The following OTOGL variants were observed in gnomAD, a reference collection of about 807,000 sequenced individuals.
OTOGL encodes otogelin like.
Under a neutral mutation model 318.5 loss-of-function variants are expected in OTOGL, and 285 were observed. That is an observed-to-expected ratio of 0.89 (90% CI 0.81 to 0.99). The LOEUF is 0.99. Among genes scored for constraint, OTOGL ranks in the 50% least tolerant of loss-of-function variants. The pLI is 0.00. For missense variants in OTOGL, 2,899 were observed against 2,845.6 expected, an observed-to-expected ratio of 1.02 and a Z score of -0.43; for synonymous variants, 987 against 936.5, an observed-to-expected ratio of 1.05 and a Z score of -0.99.
chr12:80,299,610 GA>G lies in OTOGL; in HGVS notation c.3063+2663del, dbSNP rs58781796. On this transcript the variant is annotated intron_variant, in intron 27 of 58. Coordinates refer to ENST00000547103, the MANE Select transcript of OTOGL (RefSeq NM_001378609.3). ...TAGATGGACCATCCATCCAGGGGAA[GA>G]AAAAAAAAAAAAACCACCTCTGTTA... Among the ~76,000 whole-genome samples, 1,185 of 126,080 alleles carry G rather than the reference GA, an allele frequency of 9.4e-3. 4 individuals carry two copies. Among genetic ancestry groups the G allele is most frequent in the Non-Finnish European group, 0.014 (813 of 57,660 alleles). 82.7% of individuals were successfully genotyped at this position (126,080 alleles called of 152,430 possible).
At chr12:80,259,033 A>G (rs576895625) in intron 18 of OTOGL, among the ~76,000 whole-genome samples, 2 of 152,070 alleles carry the variant, frequency 1.3e-5, no homozygotes, top group Non-Finnish European at 2.9e-5. Context: ...CCATTTCACA[A>G]TGTATACCTC....
chr12:80,341,760 A>G (rs1888782587), intron 43 of OTOGL, among the ~76,000 whole-genome samples, 188 bp from the exon 44 acceptor site: 1 of 152,188 alleles, frequency 6.6e-6, no homozygotes, highest in South Asian at 2.1e-4. Context: ...TTAGTTCTAC[A>G]CTATTTTATC....
chr12:80,110,084 T>C (rs1188017705), intron 1 of OTOGL, among the ~76,000 whole-genome samples: 1 of 148,278 alleles, frequency 6.7e-6, no homozygotes, highest in Non-Finnish European at 1.5e-5. Context: ...TTTTTTTTTT[T>C]TTGAGACGGA....
chr12:80,197,375 T>C (rs1876150407), intron 1 of OTOGL, among the ~76,000 whole-genome samples: 2 of 152,098 alleles, frequency 1.3e-5, no homozygotes, highest in Non-Finnish European at 2.9e-5. Context: ...TACAGGCACC[T>C]GCCACCATGC....
At position 80,378,045 on chromosome 12, in the gene OTOGL, T is replaced by C. The variant is rs1891270895; in HGVS notation, c.7059T>C (p.Asn2353=). The C allele has an allele frequency of 6.4e-7, 1 of 1,566,978 alleles. No individual in the cohort carries two copies. ...CCATAGACTGTACGTGCCAGTGGAA[T>C]TAAACCCTTGGGTTCCAAGAGCTCT... ...QEPIDCTCQW[N] is the part of the protein sequence containing the mutation. The change falls in exon 59 of 59, where the codon AAT becomes AAC. Residue 2353 remains asparagine (N), a synonymous_variant. Transcript: ENST00000547103.
rs779615866 is a variant in OTOGL, at chr12:80,265,226, C to G, written c.2224+16C>G. On this transcript the variant is annotated intron_variant, in intron 20 of 58. Coordinates refer to ENST00000547103, the MANE Select transcript of OTOGL (RefSeq NM_001378609.3). ...TCTTTCTGTGGTGAGTACAATGGCA[C>G]AGATAAAGACTATCAGATAATACCT... is the stretch of plus-strand genomic sequence containing the variant. 72 of 1,599,394 alleles carry G rather than the reference C, an allele frequency of 4.5e-5. No homozygotes were observed. In the African/African-American group the frequency reaches 9.4e-4, roughly 21 times the overall value.
chr12:80,352,915 C>A (rs1208810175), intron 45 of OTOGL, among the ~76,000 whole-genome samples: 1 of 152,124 alleles, frequency 6.6e-6, no homozygotes, highest in African/African-American at 2.4e-5. Flanking sequence ...CCTAAATATA[C>A]AACATTTTTC....
intron 35 of OTOGL, among the ~76,000 whole-genome samples, chr12:80,327,984 A>G (rs556273108): frequency 2.4e-5 from 3 of 125,172 alleles, no homozygotes; most frequent in East Asian, 2.9e-4. Flanking sequence ...AAAAAAAAAA[A>G]AGAGTGGAAA....
intron 1 of OTOGL, among the ~76,000 whole-genome samples, chr12:80,113,218 A>AT (rs767835558): frequency 1.3e-5 from 2 of 152,070 alleles, no homozygotes; most frequent in East Asian, 1.9e-4. Context: ...GATTCGATTG[A>AT]TTTTTTTGAA....
chr12:80,244,682 A>G (rs1880708184), intron 11 of OTOGL, among the ~76,000 whole-genome samples: 1 of 149,734 alleles, frequency 6.7e-6, no homozygotes, highest in African/African-American at 2.6e-5. Flanking sequence ...GTATATACCC[A>G]GTAATGGGAT....
chr12:80,206,956 T>A (rs989827949), intron 1 of OTOGL, among the ~76,000 whole-genome samples: 3 of 152,214 alleles, frequency 2.0e-5, no homozygotes, highest in Non-Finnish European at 4.4e-5. Context: ...ATAAAAACTT[T>A]AAAGATACTA....
intron 29 of OTOGL, among the ~76,000 whole-genome samples, chr12:80,309,882 A>C (rs1886514004): frequency 6.6e-6 from 1 of 152,174 alleles, no homozygotes; most frequent in Non-Finnish European, 1.5e-5. Flanking sequence ...TATGGCAGTG[A>C]CTAGTATATT....
At chr12:80,287,687 G>T (rs1433113927) in intron 26 of OTOGL, among the ~76,000 whole-genome samples, 1 of 151,886 alleles carries the variant, frequency 6.6e-6, no homozygotes, top group Non-Finnish European at 1.5e-5. Context: ...TGTTGGTTTA[G>T]AGTCTGTTTT....
At chr12:80,135,175 A>G (rs918361667) in intron 1 of OTOGL, among the ~76,000 whole-genome samples, 4 of 150,038 alleles carry the variant, frequency 2.7e-5, no homozygotes, top group Non-Finnish European at 4.4e-5. Flanking sequence ...ATCTCATATC[A>G]CTAGGTTATA....
intron 1 of OTOGL, among the ~76,000 whole-genome samples, chr12:80,191,822 C>G (rs1379542831): frequency 6.6e-6 from 1 of 152,182 alleles, no homozygotes; most frequent in Non-Finnish European, 1.5e-5. Context: ...TCATCTCGCT[C>G]TCTTGTGAAT....
At chr12:80,178,040 C>A (rs1360424638) in intron 1 of OTOGL, among the ~76,000 whole-genome samples, 1 of 132,208 alleles carries the variant, frequency 7.6e-6, no homozygotes, top group Non-Finnish European at 1.6e-5. Flanking sequence ...CTATTCTATT[C>A]TTTTCTTTCT....
chr12:80,221,198 C>T (rs1551119), intron 6 of OTOGL, among the ~76,000 whole-genome samples: 63,695 of 151,068 alleles, frequency 0.42, 13,656 homozygotes, highest in East Asian at 0.66. Context: ...GATACAGTTG[C>T]ATGATTTAAG....
intron 24 of OTOGL, among the ~76,000 whole-genome samples, chr12:80,274,663 A>G (rs758325636): frequency 7.9e-5 from 12 of 152,110 alleles, no homozygotes; most frequent in Non-Finnish European, 1.3e-4. Flanking sequence ...AGTGCCATCT[A>G]GGACTTTCTT....
At chr12:80,119,580 T>C (rs952497843) in intron 1 of OTOGL, among the ~76,000 whole-genome samples, 9 of 152,224 alleles carry the variant, frequency 5.9e-5, no homozygotes, top group African/African-American at 2.2e-4. Flanking sequence ...CTGTTGTTTA[T>C]AGGAAAGTGC....
Sources: gnomAD v4.1 joint callset for allele counts (sites outside exome capture counted in the v4.1 genomes callset) on GRCh38, gnomAD v4.1.1 for gene constraint, MANE v1.5 for transcripts, NCBI Gene and HGNC (gene_info 2026-07-23, HGNC 2026-07-21) for gene names.